The following CDH5 variants were observed in gnomAD, a reference collection of about 807,000 sequenced individuals.
The protein encoded by CDH5 is cadherin-5.
A neutral mutation model predicts 62.0 loss-of-function variants in CDH5; 28 were observed. The observed-to-expected ratio is 0.45, with a 90% CI of 0.33 to 0.62. The LOEUF (loss-of-function observed/expected upper bound fraction) is 0.62, where lower values mean the gene tolerates loss of function less well. Ranked by LOEUF, CDH5 falls within the 20% of genes least tolerant of loss-of-function variation. CDH5 has a pLI of 0.02. For missense variants in CDH5, 940 were observed against 1,065.1 expected (o/e 0.88, Z 1.63); for synonymous variants, 464 against 445.8 (o/e 1.04, Z -0.52).
At chr16:66,377,839 C>T (rs191077191) in intron 1 of CDH5, 1 of 152,222 alleles carries the variant, frequency 6.6e-6, no homozygotes, top group Non-Finnish European at 1.5e-5. Context: ...GAGAAAACCC[C>T]TGTTCCTGGA....
chr16:66,397,248 C>A (rs1209563323), intron 8 of CDH5, among the ~76,000 whole-genome samples: 4 of 152,134 alleles, frequency 2.6e-5, no homozygotes, highest in Non-Finnish European at 5.9e-5. Flanking sequence ...GAAACAGGGT[C>A]TCACTCTGTT....
rs1309919585 is a variant in CDH5, at chr16:66,389,389, C to T, written c.648C>T (p.Asp216=). 6.2e-7 allele frequency: 1 copy of T among 1,612,918 alleles called. No homozygotes were observed. Among genetic ancestry groups the T allele is most frequent in the East Asian group, 2.2e-5 (1 of 44,798 alleles). The change falls in exon 5 of 12, where the codon GAC becomes GAT. Residue 216 remains aspartate, a synonymous_variant. Coordinates refer to ENST00000341529, the MANE Select transcript of CDH5 (RefSeq NM_001795.5). ...GRIITITKSL[D]REKQARYEIV... ...TTATCACAATAACGAAAAGCTTGGA[C>T]CGAGAGAAGCAGGCCAGGTATGAGA...
chr16:66,372,796 C>A (rs1596925178), intron 1 of CDH5, among the ~76,000 whole-genome samples: 2 of 152,168 alleles, frequency 1.3e-5, no homozygotes, highest in East Asian at 3.9e-4. Context: ...ATCCTGGGCT[C>A]CACGCCCACT....
chr16:66,397,722 T>G (rs1385485407), intron 8 of CDH5, among the ~76,000 whole-genome samples: 1 of 152,138 alleles, frequency 6.6e-6, no homozygotes, highest in African/African-American at 2.4e-5. Flanking sequence ...GGAATTTAAT[T>G]ACAATTTTTT....
At chr16:66,377,284 C>G (rs973158171) in intron 1 of CDH5, 1 of 152,276 alleles carries the variant, frequency 6.6e-6, no homozygotes, top group Non-Finnish European at 1.5e-5. Context: ...GGCCTCAAGT[C>G]TCTTCCAGGT....
At chr16:66,373,407 A>ATTTTTT (rs34814895) in intron 1 of CDH5, among the ~76,000 whole-genome samples, 1 of 133,752 alleles carries the variant, frequency 7.5e-6, no homozygotes. Context: ...TGGTTAGCCA[A>ATTTTTT]TTTTTTTTTT....
chr16:66,379,358 C>A lies in CDH5; in HGVS notation c.21C>A (p.Leu7=). 6.2e-7 allele frequency: 1 copy of A among 1,612,572 alleles called. No individual in the cohort carries two copies. Among genetic ancestry groups the A allele is most frequent in the East Asian group, 2.2e-5 (1 of 44,834 alleles). Residue 7 remains leucine, a synonymous_variant, in exon 2 of 12, where the codon CTC becomes CTA. Transcript: ENST00000341529. MQRLMM[L]LATSGACLGL... ...GGAAGATGCAGAGGCTCATGATGCT[C>A]CTCGCCACATCGGGCGCCTGCCTGG...
intron 1 of CDH5, among the ~76,000 whole-genome samples, chr16:66,368,498 C>T (rs1022431573): frequency 1.3e-5 from 2 of 152,340 alleles, no homozygotes; most frequent in Non-Finnish European, 2.9e-5. Context: ...AGGGGCCACA[C>T]ATTTTCTGCA....
intron 1 of CDH5, among the ~76,000 whole-genome samples, chr16:66,368,082 A>G (rs1960620401): frequency 6.6e-6 from 1 of 152,194 alleles, no homozygotes; most frequent in African/African-American, 2.4e-5. Context: ...CCTCTGCTCC[A>G]TGTCAGGCTC....
chr16:66,395,816 G>A, intron 7 of CDH5: 1 of 410,542 alleles, frequency 2.4e-6, no homozygotes, highest in South Asian at 4.4e-5. Context: ...GCATCTGATG[G>A]TCTCAGGTAC....
intron 2 of CDH5, among the ~76,000 whole-genome samples, chr16:66,386,246 T>C (rs1567463920): frequency 1.3e-5 from 2 of 152,118 alleles, no homozygotes; most frequent in African/African-American, 2.4e-5. Flanking sequence ...GAACAACTCA[T>C]TGGTGACTAG....
At chr16:66,389,308 G>A in intron 4 of CDH5, 50 bp from the exon 5 acceptor site, 1 of 1,568,704 alleles carries the variant, frequency 6.4e-7, no homozygotes, top group Non-Finnish European at 8.7e-7. Flanking sequence ...CTAGGCATCG[G>A]TATTTTCTAG....
At chr16:66,374,874 TG>T (rs1476752726) in intron 1 of CDH5, among the ~76,000 whole-genome samples, 58 of 152,138 alleles carry the variant, frequency 3.8e-4, no homozygotes, top group African/African-American at 1.4e-3. Flanking sequence ...TGTACACATG[TG>T]CCATGTTGGT....
At position 66,390,605 on chromosome 16, in the gene CDH5, G is replaced by A. The variant is rs752068144; in HGVS notation, c.969+15G>A. On this transcript the variant is annotated intron_variant, in intron 6 of 11. Transcript: ENST00000341529. The stretch of plus-strand genomic sequence containing the variant: ...AGCCCATGAAGGTTTGTAGGCCAAT[G>A]GCAACAATGTCAAACGTGAGGCTTG... The A allele has an allele frequency of 6.6e-5, 106 of 1,612,504 alleles. No individual in the cohort carries two copies. The East Asian group carries it at 2.4e-3, about 36-fold the overall frequency.
chr16:66,394,025 A>C (rs1170952424), intron 7 of CDH5, among the ~76,000 whole-genome samples: 1 of 151,950 alleles, frequency 6.6e-6, no homozygotes, highest in East Asian at 1.9e-4. Flanking sequence ...CTTTATTTTC[A>C]TTTATAAGTC....
At chr16:66,374,949 C>T (rs182454577) in intron 1 of CDH5, among the ~76,000 whole-genome samples, 2,713 of 152,102 alleles carry the variant, frequency 0.018, 87 homozygotes, top group Admixed American at 0.071. Flanking sequence ...CCTCCCCTCT[C>T]CCCCCACCCC....
At chr16:66,367,069 G>C (rs1338543115) in intron 1 of CDH5, among the ~76,000 whole-genome samples, 1 of 152,252 alleles carries the variant, frequency 6.6e-6, no homozygotes, top group Admixed American at 6.5e-5. Flanking sequence ...GGCTCAGAGA[G>C]GGCAGTATTC....
chr16:66,402,731 C>A lies in CDH5; in HGVS notation c.1917C>A (p.His639Gln). 6.2e-7 allele frequency: 1 copy of A among 1,609,750 alleles called. No individual in the cohort carries two copies. Among genetic ancestry groups the A allele is most frequent in the Non-Finnish European group, 8.5e-7 (1 of 1,179,024 alleles). Residue 639 changes from histidine to glutamine, a missense_variant, in exon 12 of 12, where the codon CAC (histidine) becomes CAA (glutamine). By Grantham distance (24) the His-to-Gln change is conservative. Coordinates refer to ENST00000341529, the MANE Select transcript of CDH5 (RefSeq NM_001795.5). ...RAHGKSVPEIHEQLVTYDEEG... is the reference protein window; with the variant it reads ...RAHGKSVPEIQEQLVTYDEEG... ...ACGGCAAGAGCGTGCCGGAGATCCACGAGCAGCTGGTCACCTACGACGAGG... is the reference window on the plus strand; with the variant it reads ...ACGGCAAGAGCGTGCCGGAGATCCAAGAGCAGCTGGTCACCTACGACGAGG...
Position 66,390,468 on chromosome 16 carries a change from G to A in CDH5, c.847G>A (p.Glu283Lys), listed in dbSNP as rs1363076759. 37 of 1,613,962 alleles carry A rather than the reference G, an allele frequency of 2.3e-5. No homozygotes were observed. The highest frequency in any genetic ancestry group is 3.0e-5 in the Non-Finnish European group (35 of 1,180,010). Reference protein sequence around the residue: ...VGTSVGSLFVEDPDEPQNRMT... With the variant: ...VGTSVGSLFVKDPDEPQNRMT... The stretch of plus-strand genomic sequence containing the variant: ...CACCTCTGTGGGCTCTCTGTTTGTT[G>A]AGGACCCAGATGAGCCCCAGAACCG... The change falls in exon 6 of 12, where the codon GAG becomes AAG. Residue 283 changes from glutamate to lysine, a missense_variant. Glu to Lys is a moderately conservative substitution (Grantham distance 56). Coordinates refer to ENST00000341529, the MANE Select transcript of CDH5 (RefSeq NM_001795.5).
Sources: allele counts gnomAD v4.1 joint callset (sites outside exome capture counted in the v4.1 genomes callset), GRCh38; gene constraint gnomAD v4.1.1; transcripts MANE v1.5; gene names NCBI Gene and HGNC (gene_info 2026-07-23, HGNC 2026-07-21).